The following TAF3 variants were observed in gnomAD, a reference collection of about 807,000 sequenced individuals.
TAF3 encodes the protein TATA-box binding protein associated factor 3.
In TAF3, 7 loss-of-function variants were observed where a neutral mutation model predicts 80.6. The ratio of observed to expected loss-of-function variants is 0.09; its 90% CI spans 0.05 to 0.16. TAF3 has a LOEUF of 0.16. Among genes scored for constraint, TAF3 ranks in the 10% least tolerant of loss-of-function variants. The pLI is 1.00. For synonymous variants in TAF3, 444 were observed against 446.1 expected (o/e 1.00, Z 0.06); for missense variants, 921 against 1,140.2 (o/e 0.81, Z 2.77).
intron 2 of TAF3, among the ~76,000 whole-genome samples, chr10:7,905,901 A>G (rs904956818): frequency 6.6e-6 from 1 of 152,160 alleles, no homozygotes; most frequent in Non-Finnish European, 1.5e-5. Flanking sequence ...AAAATTTAGC[A>G]AAGATTCTGC....
intron 2 of TAF3, among the ~76,000 whole-genome samples, chr10:7,909,835 C>T (rs1197402930): frequency 2.6e-5 from 4 of 152,114 alleles, no homozygotes; most frequent in Non-Finnish European, 5.9e-5. Flanking sequence ...TCTTCCTACT[C>T]GCTGGTAGTG....
At chr10:7,898,879 C>G (rs1200248372) in intron 2 of TAF3, among the ~76,000 whole-genome samples, 1 of 151,850 alleles carries the variant, frequency 6.6e-6, no homozygotes, top group Non-Finnish European at 1.5e-5. Flanking sequence ...TGGTTTCAGA[C>G]TTGCGAGTGA....
At chr10:7,891,594 G>A (rs7902234) in intron 2 of TAF3, among the ~76,000 whole-genome samples, 7,693 of 152,040 alleles carry the variant, frequency 0.051, 299 homozygotes, top group Admixed American at 0.11. Flanking sequence ...TATTTTCCCT[G>A]TTTTCTGTCT....
At position 7,965,255 on chromosome 10, in the gene TAF3, A is replaced by G; in HGVS notation, c.1745A>G (p.Glu582Gly). 1 of 1,608,436 alleles carries G rather than the reference A, an allele frequency of 6.2e-7. No homozygotes were observed. Among genetic ancestry groups the G allele is most frequent in the Non-Finnish European group, 8.5e-7 (1 of 1,178,624 alleles). The change falls in exon 3 of 7, where the codon GAG (glutamate) becomes GGG (glycine). Residue 582 changes from glutamate to glycine, a missense_variant. Glu to Gly is a moderately conservative substitution (Grantham distance 98). Transcript: ENST00000344293. Reference protein sequence around the residue: ...TKYPWKEFLKEEEADPYKFKI... With the variant: ...TKYPWKEFLKGEEADPYKFKI... ...TATCCCTGGAAGGAATTTCTTAAAG[A>G]GGAAGAGGCAGATCCCTACAAGTTT...
chr10:7,906,241 G>A (rs1837607576), intron 2 of TAF3, among the ~76,000 whole-genome samples: 1 of 152,058 alleles, frequency 6.6e-6, no homozygotes. Flanking sequence ...GTATTGGATG[G>A]TAACATTTCT....
chr10:7,946,958 C>T (rs1005859636), intron 2 of TAF3, among the ~76,000 whole-genome samples: 11 of 152,104 alleles, frequency 7.2e-5, no homozygotes, highest in African/African-American at 2.2e-4. Flanking sequence ...GGCGGATTCT[C>T]GCTACACTGC....
chr10:7,852,096 T>C lies in TAF3; in HGVS notation c.409+27536T>C, dbSNP rs1837032604. Among the ~76,000 whole-genome samples, 3 of 152,046 alleles carry C rather than the reference T, an allele frequency of 2.0e-5. No individual in the cohort carries two copies. In the South Asian group the frequency reaches 6.2e-4, roughly 32 times the overall value. On this transcript the variant is annotated intron_variant, in intron 2 of 6. Coordinates refer to ENST00000344293, the MANE Select transcript of TAF3 (RefSeq NM_031923.4). ...ACCATGCCAAGCCTTTCCCCCACCA[T>C]CTCCCAGAGACGGGGTCTCACTTTG...
At chr10:7,847,498 G>A (rs140369390) in intron 2 of TAF3, among the ~76,000 whole-genome samples, 376 of 152,306 alleles carry the variant, frequency 2.5e-3, no homozygotes, top group African/African-American at 5.6e-3. Flanking sequence ...AGGCTGGAGC[G>A]CAGTGGTGCA....
intron 2 of TAF3, among the ~76,000 whole-genome samples, chr10:7,896,159 C>G (rs1231536051): frequency 3.3e-5 from 5 of 152,132 alleles, no homozygotes; most frequent in Admixed American, 3.3e-4. Flanking sequence ...GAACCTTGTT[C>G]TATTGTGTAT....
chr10:7,822,603 G>T (rs1409569545), intron 1 of TAF3, among the ~76,000 whole-genome samples: 1 of 152,126 alleles, frequency 6.6e-6, no homozygotes, highest in Non-Finnish European at 1.5e-5. Context: ...ACCATTGGCT[G>T]AATATCCTTC....
chr10:7,915,445 C>T (rs1376401028), intron 2 of TAF3, among the ~76,000 whole-genome samples: 2 of 143,666 alleles, frequency 1.4e-5, no homozygotes. Context: ...GAGATCGAGA[C>T]CATCCTGGCT....
intron 2 of TAF3, among the ~76,000 whole-genome samples, chr10:7,860,871 G>A (rs1212708508): frequency 2.7e-5 from 4 of 150,224 alleles, no homozygotes; most frequent in Admixed American, 2.7e-4. Context: ...GTGATCTCGG[G>A]TCGCTGCAAC....
chr10:7,915,502 G>A (rs1283528397), intron 2 of TAF3, among the ~76,000 whole-genome samples: 2 of 151,128 alleles, frequency 1.3e-5, no homozygotes, highest in Non-Finnish European at 2.9e-5. Flanking sequence ...AATTAGCCGG[G>A]CATGGTGGTG....
intron 4 of TAF3, among the ~76,000 whole-genome samples, chr10:7,987,881 TC>T (rs1404799080): frequency 6.6e-6 from 1 of 152,180 alleles, no homozygotes; most frequent in Non-Finnish European, 1.5e-5. Flanking sequence ...CCAGATCTCT[TC>T]TGAAATCTGT....
At chr10:7,923,607 A>G (rs1011168196) in intron 2 of TAF3, among the ~76,000 whole-genome samples, 4 of 151,604 alleles carry the variant, frequency 2.6e-5, no homozygotes, top group African/African-American at 9.7e-5. Context: ...AAACAAAACA[A>G]AAAAACCCCT....
Position 7,927,035 on chromosome 10 carries a change from C to T in TAF3, c.410-36885C>T, listed in dbSNP as rs185438393. On this transcript the variant is annotated intron_variant, in intron 2 of 6. Coordinates refer to ENST00000344293, the MANE Select transcript of TAF3 (RefSeq NM_031923.4). ...TGGGGTGGGGGATGAACACAGAAAA[C>T]GATAAGATCATGACAGTGGGATAAC... 9.9e-5 allele frequency among the ~76,000 whole-genome samples: 15 copies of T among 152,134 alleles called. No individual in the cohort carries two copies. In the South Asian group the frequency reaches 2.1e-3, roughly 21 times the overall value.
At chr10:7,890,538 T>TAA (rs1347502602) in intron 2 of TAF3, among the ~76,000 whole-genome samples, 8 of 152,246 alleles carry the variant, frequency 5.3e-5, no homozygotes, top group Admixed American at 5.2e-4. Flanking sequence ...TTAAGATGTA[T>TAA]AAATATGTGC....
At chr10:7,930,681 G>T (rs1837860090) in intron 2 of TAF3, among the ~76,000 whole-genome samples, 1 of 152,072 alleles carries the variant, frequency 6.6e-6, no homozygotes, top group Non-Finnish European at 1.5e-5. Context: ...ATCAGAGTAG[G>T]TCATGTATTC....
intron 2 of TAF3, among the ~76,000 whole-genome samples, chr10:7,857,033 A>G (rs537997140): frequency 1.3e-4 from 20 of 152,348 alleles, no homozygotes; most frequent in Non-Finnish European, 2.4e-4. Context: ...CCCAACTTTC[A>G]TGTCCGTAAG....
Sources: allele counts gnomAD v4.1 joint callset (sites outside exome capture counted in the v4.1 genomes callset), GRCh38; gene constraint gnomAD v4.1.1; transcripts MANE v1.5; gene names NCBI Gene and HGNC (gene_info 2026-07-23, HGNC 2026-07-21).